Variants in GUF1 observed in about 807,000 individuals in gnomAD.
GUF1 encodes the protein translation factor GUF1, mitochondrial.
Under a neutral mutation model 82.4 loss-of-function variants are expected in GUF1, and 78 were observed. That is an observed-to-expected ratio of 0.95 (90% CI 0.79 to 1.14). The LOEUF (loss-of-function observed/expected upper bound fraction) is 1.14. Ranked by LOEUF, GUF1 falls within the 50% of genes most tolerant of loss-of-function variation. The probability of loss-of-function intolerance (pLI) is 0.00; values close to 1 mark genes in which losing one functional copy is unlikely to be tolerated. For synonymous variants in GUF1, 279 were observed against 282.3 expected, an observed-to-expected ratio of 0.99 and a Z score of 0.12; for missense variants, 814 against 798.2, an observed-to-expected ratio of 1.02 and a Z score of -0.24.
In GUF1 at chr4:44,678,704, CCGG is replaced by C; in HGVS notation, c.83_85del (p.Pro28_Gly29delinsArg). 1 of 1,508,042 alleles carries C rather than the reference CCGG, an allele frequency of 6.6e-7. No individual in the cohort carries two copies. Among genetic ancestry groups the C allele is most frequent in the Non-Finnish European group, 8.8e-7 (1 of 1,142,180 alleles). 93.4% of individuals were successfully genotyped at this position (1,508,042 alleles called of 1,614,324 possible). On this transcript the variant is annotated inframe_deletion, in exon 1 of 17. Transcript: ENST00000281543. Reference sequence around the variant, plus strand: ...CACTGGGGCCGCGCTTCTGGTGGCCCCGGGGCCCCGGTCCGCGCCGACCCTTGG... The same window carrying C: ...CACTGGGGCCGCGCTTCTGGTGGCCCGGCCCCGGTCCGCGCCGACCCTTGG...
rs1716122924 is a variant in GUF1 at position 44,700,027 on chromosome 4, CTG to C, written c.*1348_*1349del. 6.6e-6 allele frequency: 1 copy of C among 152,176 alleles called. No individual in the cohort carries two copies. Among genetic ancestry groups the C allele is most frequent in the South Asian group, 2.1e-4 (1 of 4,830 alleles). The allele number at this position is 152,176 out of a possible 1,614,324, so 9.4% of individuals were successfully genotyped here. A position where few individuals can be genotyped will look rare whatever the true frequency, so the allele number is the denominator to read the frequency against. On this transcript the variant is annotated 3_prime_UTR_variant, in exon 17 of 17. Coordinates refer to ENST00000281543, the MANE Select transcript of GUF1 (RefSeq NM_021927.3). ...GCCAACGAACAAACCAGACTGCAGA[CTG>C]TATTAGAGCAAGACAACATCATTTA...
chr4:44,688,485 G>T (rs1175587975), intron 9 of GUF1, among the ~76,000 whole-genome samples: 2 of 151,822 alleles, frequency 1.3e-5, no homozygotes, highest in Non-Finnish European at 2.9e-5. Flanking sequence ...GTAATTATCA[G>T]TAGACACTGA....
chr4:44,678,893 T>C (rs1714606805), intron 1 of GUF1, 106 bp downstream of exon 1: 2 of 1,188,250 alleles, frequency 1.7e-6, no homozygotes, highest in African/African-American at 3.2e-5. Flanking sequence ...TGAACCCTGC[T>C]TGCAACTTGG....
chr4:44,680,904 A>G, intron 3 of GUF1, 62 bp downstream of exon 3: 1 of 1,397,736 alleles, frequency 7.2e-7, no homozygotes, highest in African/African-American at 1.4e-5. Context: ...TAGTGCAAAC[A>G]GATCCTTGTT....
Position 44,697,399 on chromosome 4 carries a change from CT to C in GUF1, c.1836-5del. 1 of 1,547,750 alleles carries C rather than the reference CT, an allele frequency of 6.5e-7. No homozygotes were observed. The highest frequency in any genetic ancestry group is 8.8e-7 in the Non-Finnish European group (1 of 1,134,706). The stretch of plus-strand genomic sequence containing the variant: ...ATTATGTACTTAAACGAATTTTTCT[CT>C]TTTACAGTGTGAAAGCCTATAGGAA... On this transcript the variant is annotated splice_region_variant and splice_polypyrimidine_tract_variant and intron_variant, in intron 15 of 16. Coordinates refer to ENST00000281543, the MANE Select transcript of GUF1 (RefSeq NM_021927.3).
Position 44,685,963 on chromosome 4 carries a change from C to A in GUF1, c.674C>A (p.Ser225Tyr). The A allele has an allele frequency of 6.3e-7, 1 of 1,596,292 alleles. No individual in the cohort carries two copies. The highest frequency in any genetic ancestry group is 8.6e-7 in the Non-Finnish European group (1 of 1,165,532). Residue 225 changes from serine (S) to tyrosine (Y), a missense_variant, in exon 7 of 17, where the codon TCT (serine) becomes TAT (tyrosine). By Grantham distance (144) the Ser-to-Tyr change is moderately radical. Coordinates refer to ENST00000281543, the MANE Select transcript of GUF1 (RefSeq NM_021927.3). ...DIPSDECIKI[S>Y]AKLGTNVESV... is the part of the protein sequence containing the mutation. Reference sequence around the variant, plus strand: ...TTTTCACATGTATCTTTTTAGATTTCTGCTAAACTTGGAACAAATGTTGAG... The same window carrying A: ...TTTTCACATGTATCTTTTTAGATTTATGCTAAACTTGGAACAAATGTTGAG...
intron 9 of GUF1, 60 bp from the exon 10 acceptor site, chr4:44,689,226 T>G: frequency 7.2e-7 from 1 of 1,396,904 alleles, no homozygotes; most frequent in Admixed American, 2.5e-5. Context: ...ACTACACATG[T>G]GGTTTGATAG....
intron 1 of GUF1, 133 bp downstream of exon 1, chr4:44,678,920 G>T (rs1169688566): frequency 1.1e-6 from 1 of 902,278 alleles, no homozygotes; most frequent in East Asian, 3.3e-5. Context: ...GAGGCAGAGC[G>T]GAGAGTGTGA....
At chr4:44,687,820 G>T (rs1715154366) in intron 8 of GUF1, among the ~76,000 whole-genome samples, 187 bp from the exon 9 acceptor site, 1 of 152,006 alleles carries the variant, frequency 6.6e-6, no homozygotes, top group South Asian at 2.1e-4. Flanking sequence ...CTAATGGATT[G>T]TAAGACCTGG....
intron 15 of GUF1, 118 bp downstream of exon 15, chr4:44,695,852 A>C: frequency 3.1e-6 from 3 of 974,088 alleles, no homozygotes; most frequent in Non-Finnish European, 4.5e-6. Flanking sequence ...TTGTAGAAAC[A>C]GTATGATGGT....
Position 44,683,328 on chromosome 4 carries a change from G to T in GUF1, c.669+10G>T. 6.9e-7 allele frequency: 1 copy of T among 1,455,642 alleles called. No homozygotes were observed. The highest frequency in any genetic ancestry group is 2.2e-5 in the Admixed American group (1 of 44,484). The allele number at this position is 1,455,642 out of a possible 1,614,324, so 90.2% of individuals were successfully genotyped here. ...TGATGAATGTATTAAGGTAAAATAC[G>T]TTCCTAAAAAGATTATACTTTGAAA... is the stretch of plus-strand genomic sequence containing the variant. On this transcript the variant is annotated intron_variant, in intron 6 of 16. Transcript: ENST00000281543.
chr4:44,686,275 C>G (rs922438955), intron 7 of GUF1, among the ~76,000 whole-genome samples: 32 of 151,902 alleles, frequency 2.1e-4, no homozygotes, highest in African/African-American at 6.8e-4. Flanking sequence ...AAATATACCT[C>G]AGTACATTGG....
Position 44,695,631 on chromosome 4 carries a change from A to T in GUF1, c.1732A>T (p.Ile578Phe), listed in dbSNP as rs150660496. 6 of 1,610,854 alleles carry T rather than the reference A, an allele frequency of 3.7e-6. No individual in the cohort carries two copies. Among genetic ancestry groups the T allele is most frequent in the Non-Finnish European group, 4.2e-6 (5 of 1,178,806 alleles). The change falls in exon 15 of 17, where the codon ATT (isoleucine) becomes TTT (phenylalanine). Residue 578 changes from isoleucine (I) to phenylalanine (F), a missense_variant. Physicochemically the swap from Ile to Phe is conservative, Grantham distance 21. Transcript: ENST00000281543. ...TVVHKDKAHSIGKAICERLKD... is the reference protein window; with the variant it reads ...TVVHKDKAHSFGKAICERLKD... ...CTGTCTCAGAGACAAAGCTCATTCAATTGGCAAAGCCATATGTGAACGGCT... is the reference window on the plus strand; with the variant it reads ...CTGTCTCAGAGACAAAGCTCATTCATTTGGCAAAGCCATATGTGAACGGCT...
In GUF1 at chr4:44,686,701, C is replaced by T. The variant is rs777759058; in HGVS notation, c.926C>T (p.Pro309Leu). The change falls in exon 8 of 17, where the codon CCA becomes CTA. Residue 309 changes from proline (P) to leucine (L), a missense_variant. Physicochemically the swap from Pro to Leu is moderately conservative, Grantham distance 98. Coordinates refer to ENST00000281543, the MANE Select transcript of GUF1 (RefSeq NM_021927.3). ...EVGVLNPNEQ[P>L]THKLYAGQVG... Reference sequence around the variant, plus strand: ...GGAGTCTTGAATCCTAATGAGCAGCCAACTCATAAATTGTAAGTAATCTGC... The same window carrying T: ...GGAGTCTTGAATCCTAATGAGCAGCTAACTCATAAATTGTAAGTAATCTGC... 1.9e-6 allele frequency: 3 copies of T among 1,602,384 alleles called. No individual in the cohort carries two copies. Among genetic ancestry groups the T allele is most frequent in the Admixed American group, 3.3e-5 (2 of 59,910 alleles).
chr4:44,689,280 C>T lies in GUF1; in HGVS notation c.1079-6C>T, dbSNP rs375102209. On this transcript the variant is annotated splice_polypyrimidine_tract_variant and splice_region_variant and intron_variant, in intron 9 of 16. Transcript: ENST00000281543. ...ACGTGATAATTAGAAATCATTGTAT[C>T]CCCAGGAATGTATCCTCTAGACCAA... is the stretch of plus-strand genomic sequence containing the variant. The T allele has an allele frequency of 2.3e-5, 36 of 1,577,678 alleles. 1 individual carries two copies. The highest frequency in any genetic ancestry group is 2.6e-5 in the Non-Finnish European group (30 of 1,160,866).
rs1443967406 is a variant in GUF1 at position 44,698,847 on chromosome 4, G to T, written c.*166G>T. 1 of 592,414 alleles carries T rather than the reference G, an allele frequency of 1.7e-6. No homozygotes were observed. Among genetic ancestry groups the T allele is most frequent in the Non-Finnish European group, 2.9e-6 (1 of 342,966 alleles). 36.7% of individuals were successfully genotyped at this position (592,414 alleles called of 1,614,324 possible). A position where few individuals can be genotyped will look rare whatever the true frequency, so the allele number is the denominator to read the frequency against. On this transcript the variant is annotated 3_prime_UTR_variant, in exon 17 of 17. Transcript: ENST00000281543. ...GGTAGGCAAGAGCTTAGATTTTGAA[G>T]CCATGTTGCCTGTTCTCAAATATCT... is the stretch of plus-strand genomic sequence containing the variant.
chr4:44,680,586 C>T, intron 2 of GUF1, 34 bp downstream of exon 2: 1 of 1,479,416 alleles, frequency 6.8e-7, no homozygotes, highest in Admixed American at 2.0e-5. Flanking sequence ...TAACTGATGG[C>T]TGCGAGTTAT....
chr4:44,683,113 A>AGCAGT, intron 5 of GUF1, 122 bp from the exon 6 acceptor site: 1 of 535,864 alleles, frequency 1.9e-6, no homozygotes, highest in Non-Finnish European at 3.3e-6. Context: ...GCTTTTGAAA[A>AGCAGT]AATATTGTAG....
In GUF1 at chr4:44,681,165, G is replaced by T. The variant is rs751791602; in HGVS notation, c.469G>T (p.Ala157Ser). ...TTATGAAGTATCCAGGTCACTTTCT[G>T]CTTGCCAGGGTGTTTTACTTGTGGT... is the stretch of plus-strand genomic sequence containing the variant. ...FSYEVSRSLS[A>S]CQGVLLVVDA... Residue 157 changes from alanine to serine, a missense_variant, in exon 4 of 17, where the codon GCT becomes TCT. Physicochemically the swap from Ala to Ser is moderately conservative, Grantham distance 99 (BLOSUM62 1). Transcript: ENST00000281543. 1.9e-6 allele frequency: 3 copies of T among 1,613,094 alleles called. No homozygotes were observed. The South Asian group carries it at 3.3e-5, about 18-fold the overall frequency.
Sources: allele counts gnomAD v4.1 joint callset (sites outside exome capture counted in the v4.1 genomes callset), GRCh38; gene constraint gnomAD v4.1.1; transcripts MANE v1.5; gene names NCBI Gene and HGNC (gene_info 2026-07-23, HGNC 2026-07-21).